The following RFWD3 variants were observed in gnomAD, a reference collection of about 807,000 sequenced individuals.
The protein encoded by RFWD3 is ring finger and WD repeat domain 3, also known as E3 ubiquitin-protein ligase RFWD3.
Under a neutral mutation model 87.7 loss-of-function variants are expected in RFWD3, and 65 were observed. The ratio of observed to expected loss-of-function variants is 0.74; its 90% CI spans 0.61 to 0.91. The LOEUF (loss-of-function observed/expected upper bound fraction) is 0.91, where lower values mean the gene tolerates loss of function less well. Among genes scored for constraint, RFWD3 ranks in the 40% least tolerant of loss-of-function variants. RFWD3 has a pLI of 0.00. For synonymous variants in RFWD3, 433 were observed against 352.8 expected, an observed-to-expected ratio of 1.23 and a Z score of -2.55; for missense variants, 1,078 against 938.5, an observed-to-expected ratio of 1.15 and a Z score of -1.94.
Position 74,632,641 on chromosome 16 carries a change from T to A in RFWD3, c.1459A>T (p.Met487Leu), listed in dbSNP as rs202130447. ...ATCGGAATGTACTGACTGCTCTTCATGTTGGCAGTACTCAACATCTTAACA... is the reference window on the plus strand; with the variant it reads ...ATCGGAATGTACTGACTGCTCTTCAAGTTGGCAGTACTCAACATCTTAACA... Reference protein sequence around the residue: ...FGVKMLSTANMKSSQYIPMHG... With the variant: ...FGVKMLSTANLKSSQYIPMHG... Residue 487 changes from methionine (M) to leucine (L), a missense_variant, in exon 9 of 13, where the codon ATG becomes TTG. Met to Leu is a conservative substitution (Grantham distance 15). Coordinates refer to ENST00000361070, the MANE Select transcript of RFWD3 (RefSeq NM_018124.4). 9.3e-6 allele frequency: 15 copies of A among 1,614,030 alleles called. No homozygotes were observed. The highest frequency in any genetic ancestry group is 1.3e-5 in the Non-Finnish European group (15 of 1,180,012).
At chr16:74,643,936 C>T (rs1164747325) in intron 6 of RFWD3, 1 of 213,104 alleles carries the variant, frequency 4.7e-6, no homozygotes, top group Non-Finnish European at 9.7e-6. Flanking sequence ...CTTGGCCTCC[C>T]AAAGTGCTGG....
chr16:74,634,618 G>A (rs900441392), intron 8 of RFWD3, among the ~76,000 whole-genome samples: 1 of 151,982 alleles, frequency 6.6e-6, no homozygotes, highest in African/African-American at 2.4e-5. Context: ...CATACTCCTG[G>A]GCCCAAACGA....
At position 74,648,038 on chromosome 16, in the gene RFWD3, C is replaced by T. The variant is rs1960291695; in HGVS notation, c.792+1094G>A. 2.0e-5 allele frequency among the ~76,000 whole-genome samples: 3 copies of T among 152,214 alleles called. No individual in the cohort carries two copies. The South Asian group carries it at 6.2e-4, about 32-fold the overall frequency. ...CATGGCTCACTGAAGCCTTGACCTC[C>T]CAGGCTCAAGTAATCCTGTCTCAGA... On this transcript the variant is annotated intron_variant, in intron 4 of 12. Coordinates refer to ENST00000361070, the MANE Select transcript of RFWD3 (RefSeq NM_018124.4).
rs564341481 is a variant in RFWD3 at position 74,649,180 on chromosome 16, T to C, written c.744A>G (p.Ala248=). Reference sequence around the variant, plus strand: ...CATCGATACATGTAACTTCTTGCTCTGCTGAGACACCTGCTAGTTGCTCTG... The same window carrying C: ...CATCGATACATGTAACTTCTTGCTCCGCTGAGACACCTGCTAGTTGCTCTG... ...ILEEQLAGVS[A]EQEVTCIDGG... The change falls in exon 4 of 13, where the codon GCA becomes GCG. Residue 248 remains alanine (A), a synonymous_variant. Coordinates refer to ENST00000361070, the MANE Select transcript of RFWD3 (RefSeq NM_018124.4). The C allele has an allele frequency of 1.3e-6, 2 of 1,567,112 alleles. No homozygotes were observed. Among genetic ancestry groups the C allele is most frequent in the South Asian group, 2.4e-5 (2 of 83,204 alleles).
intron 8 of RFWD3, among the ~76,000 whole-genome samples, chr16:74,633,248 G>A (rs1168775806): frequency 7.0e-6 from 1 of 143,442 alleles, no homozygotes; most frequent in Non-Finnish European, 1.5e-5. Flanking sequence ...CTACACTCCA[G>A]CGTGGGCAAC....
At chr16:74,643,262 T>C (rs1196814193) in intron 6 of RFWD3, among the ~76,000 whole-genome samples, 3 of 152,094 alleles carry the variant, frequency 2.0e-5, no homozygotes, top group Admixed American at 2.0e-4. Flanking sequence ...ATTACAAGAG[T>C]GAGCCACCGC....
chr16:74,624,003 G>A lies in RFWD3; in HGVS notation c.2250C>T (p.Cys750=). ...LQTDQPVLDI[C]PFEVNRNSYL... ...AGCTGTTACGGTTCACCTCAAATGG[G>A]CAGATGTCCAACACAGGCTGATCGG... is the stretch of plus-strand genomic sequence containing the variant. Residue 750 remains cysteine (C), a synonymous_variant, in exon 13 of 13, where the codon TGC becomes TGT. Transcript: ENST00000361070. The A allele has an allele frequency of 6.2e-7, 1 of 1,614,074 alleles. No individual in the cohort carries two copies. Among genetic ancestry groups the A allele is most frequent in the African/African-American group, 1.3e-5 (1 of 75,018 alleles).
intron 4 of RFWD3, among the ~76,000 whole-genome samples, chr16:74,646,894 A>G: frequency 6.6e-6 from 1 of 150,876 alleles, no homozygotes; most frequent in East Asian, 1.9e-4. Flanking sequence ...AACACGGTGA[A>G]ACCCCGTCTC....
chr16:74,650,831 C>G (rs1487952341), intron 3 of RFWD3, among the ~76,000 whole-genome samples: 1 of 151,490 alleles, frequency 6.6e-6, no homozygotes, highest in Non-Finnish European at 1.5e-5. Flanking sequence ...GAGCTGTGAT[C>G]GTGCCACTGC....
intron 6 of RFWD3, among the ~76,000 whole-genome samples, chr16:74,640,402 C>G (rs1959532585): frequency 6.6e-6 from 1 of 152,008 alleles, no homozygotes; most frequent in African/African-American, 2.4e-5. Context: ...CCTCAGCCTC[C>G]CAAAGTGCTG....
In RFWD3 at chr16:74,657,720, T is replaced by C. The variant is rs937735809; in HGVS notation, c.518+3212A>G. ...AACTCGTGACCTCAGGTGATTCGCC[T>C]GCCTCAGCCTCCCAAAATGCTGCGA... On this transcript the variant is annotated intron_variant, in intron 2 of 12. Transcript: ENST00000361070. Among the ~76,000 whole-genome samples, 12 of 152,218 alleles carry C rather than the reference T, an allele frequency of 7.9e-5. No individual in the cohort carries two copies. The South Asian group carries it at 2.5e-3, about 32-fold the overall frequency.
chr16:74,656,195 G>A (rs1265985482), intron 2 of RFWD3, among the ~76,000 whole-genome samples: 1 of 151,562 alleles, frequency 6.6e-6, no homozygotes, highest in Non-Finnish European at 1.5e-5. Context: ...CTACTCTGTA[G>A]GCTGAGGCAG....
intron 9 of RFWD3, among the ~76,000 whole-genome samples, chr16:74,631,994 A>AG: frequency 6.6e-6 from 1 of 152,204 alleles, no homozygotes; most frequent in East Asian, 1.9e-4. Flanking sequence ...ACATAGTTTC[A>AG]AAGAAACAGG....
rs780286619 is a variant in RFWD3, at chr16:74,644,714, G to A, written c.814C>T (p.Pro272Ser). 4 of 1,613,970 alleles carry A rather than the reference G, an allele frequency of 2.5e-6. No homozygotes were observed. The highest frequency in any genetic ancestry group is 2.5e-6 in the Non-Finnish European group (3 of 1,179,884). ...PKQPSPQKSE[P>S]LLPSASMDEE... ...TCCATAGAAGCAGAAGGTAGCAGAG[G>A]CTCAGACTTCTGGGGAGATGGCTAG... is the stretch of plus-strand genomic sequence containing the variant. The change falls in exon 5 of 13, where the codon CCT becomes TCT. Residue 272 changes from proline to serine, a missense_variant. By Grantham distance (74) the Pro-to-Ser change is moderately conservative. Transcript: ENST00000361070.
intron 2 of RFWD3, among the ~76,000 whole-genome samples, chr16:74,656,308 C>CA (rs71158534): frequency 0.25 from 15,150 of 61,694 alleles, 1,825 homozygotes; most frequent in Non-Finnish European, 0.27. Flanking sequence ...CTTGTCTTGC[C>CA]AAAAAAAAAA....
At chr16:74,665,939 C>G (rs544994565) in intron 1 of RFWD3, among the ~76,000 whole-genome samples, 4 of 151,948 alleles carry the variant, frequency 2.6e-5, no homozygotes, top group Non-Finnish European at 5.9e-5. Context: ...CTCAGGTGAT[C>G]CGACTGCCTC....
rs1291509146 is a variant in RFWD3, at chr16:74,630,842, G to C, written c.1693C>G (p.Leu565Val). The C allele has an allele frequency of 6.2e-7, 1 of 1,613,930 alleles. No homozygotes were observed. The highest frequency in any genetic ancestry group is 8.5e-7 in the Non-Finnish European group (1 of 1,179,966). The change falls in exon 10 of 13, where the codon CTG becomes GTG. Residue 565 changes from leucine (L) to valine (V), a missense_variant. Leu to Val is a conservative substitution (Grantham distance 32). Transcript: ENST00000361070. ...IYAGLANGSI[L>V]VYDVRNTSSH... ...CTCGTGTTTCGCACGTCATATACCA[G>C]AATTGAACCATTGGCCAGTCCAGCA...
At chr16:74,660,773 GAAGT>G (rs1364737200) in intron 2 of RFWD3, 155 bp downstream of exon 2, 1 of 727,288 alleles carries the variant, frequency 1.4e-6, no homozygotes, top group Non-Finnish European at 2.3e-6. Flanking sequence ...ATTACTTTGT[GAAGT>G]AAGGCAAGCA....
In RFWD3 at chr16:74,646,903, TCAACAA is replaced by T. The variant is rs71376295; in HGVS notation, c.793-2174_793-2169del. Among the ~76,000 whole-genome samples, 742 of 150,236 alleles carry T rather than the reference TCAACAA, an allele frequency of 4.9e-3. 3 individuals carry two copies. Among genetic ancestry groups the T allele is most frequent in the Non-Finnish European group, 8.2e-3 (552 of 67,586 alleles). On this transcript the variant is annotated intron_variant, in intron 4 of 12. Transcript: ENST00000361070. ...CTGGCTAACACGGTGAAACCCCGTC[TCAACAA>T]CAACAACAACAACAACAACAACAAC...
Sources: allele counts gnomAD v4.1 joint callset (sites outside exome capture counted in the v4.1 genomes callset), GRCh38; gene constraint gnomAD v4.1.1; transcripts MANE v1.5; gene names NCBI Gene and HGNC (gene_info 2026-07-23, HGNC 2026-07-21).